Variants in SBNO1 observed in about 807,000 individuals in gnomAD.
SBNO1 encodes strawberry notch homolog 1.
In SBNO1, 23 loss-of-function variants were observed where a neutral mutation model predicts 173.6. The observed-to-expected ratio is 0.13, with a 90% confidence interval of 0.10 to 0.19. The LOEUF (loss-of-function observed/expected upper bound fraction) is 0.19. Ranked by LOEUF, SBNO1 falls within the 10% of genes least tolerant of loss-of-function variation. The pLI is 1.00. For missense variants in SBNO1, 1,238 were observed against 1,671.2 expected (o/e 0.74, Z 4.52); for synonymous variants, 632 against 571.5 (o/e 1.11, Z -1.51).
chr12:123,292,683 T>C lies in SBNO1; in HGVS notation c.*3225A>G, dbSNP rs1192158487. 1 of 152,184 alleles carries C rather than the reference T, an allele frequency of 6.6e-6. No homozygotes were observed. The highest frequency in any genetic ancestry group is 1.5e-5 in the Non-Finnish European group (1 of 68,028). 9.4% of individuals were successfully genotyped at this position (152,184 alleles called of 1,614,324 possible). A position where few individuals can be genotyped will look rare whatever the true frequency, so the allele number is the denominator to read the frequency against. On this transcript the variant is annotated 3_prime_UTR_variant, in exon 32 of 32. Coordinates refer to ENST00000602398, the MANE Select transcript of SBNO1 (RefSeq NM_001167856.3). ...TATTGTTGTAACTCAAAAAGGCTTC[T>C]GAAGTGCTGAGTTAGAATAAATATA...
chr12:123,314,404 A>G (rs1176169275), intron 23 of SBNO1, among the ~76,000 whole-genome samples: 1 of 151,686 alleles, frequency 6.6e-6, no homozygotes, highest in Non-Finnish European at 1.5e-5. Context: ...AACTCGGCTC[A>G]CTGCAACCTC....
chr12:123,328,714 A>T lies in SBNO1; in HGVS notation c.1296+20T>A. ...TTTCTTGTCGTTAAAAAATAGAAAA[A>T]TATTTGCCATAAAGGATACCACTCC... is the stretch of plus-strand genomic sequence containing the variant. On this transcript the variant is annotated intron_variant, in intron 10 of 31. Transcript: ENST00000602398. 1.4e-6 allele frequency: 2 copies of T among 1,447,256 alleles called. No individual in the cohort carries two copies. Among genetic ancestry groups the T allele is most frequent in the Non-Finnish European group, 1.8e-6 (2 of 1,088,780 alleles). The allele number at this position is 1,447,256 out of a possible 1,614,324, so 89.7% of individuals were successfully genotyped here. A position where few individuals can be genotyped will look rare whatever the true frequency, so the allele number is the denominator to read the frequency against.
At chr12:123,299,348 A>G (rs911147509) in intron 30 of SBNO1, among the ~76,000 whole-genome samples, 1 of 150,280 alleles carries the variant, frequency 6.7e-6, no homozygotes, top group Non-Finnish European at 1.5e-5. Flanking sequence ...AGCCTGGGCA[A>G]CAGAGTGAGA....
chr12:123,315,455 C>A lies in SBNO1; in HGVS notation c.3049-11G>T, dbSNP rs765712289. On this transcript the variant is annotated splice_polypyrimidine_tract_variant and intron_variant, in intron 22 of 31. Transcript: ENST00000602398. Reference sequence around the variant, plus strand: ...ATGTGTAAGTGCCCCCTGTTAAAAACAAAAATTTCAATCAAGGCACAGGTA... The same window carrying A: ...ATGTGTAAGTGCCCCCTGTTAAAAAAAAAAATTTCAATCAAGGCACAGGTA... 1.3e-5 allele frequency: 21 copies of A among 1,610,088 alleles called. No individual in the cohort carries two copies. Among genetic ancestry groups the A allele is most frequent in the African/African-American group, 4.0e-5 (3 of 74,844 alleles).
chr12:123,314,844 G>A (rs1319100022), intron 23 of SBNO1, among the ~76,000 whole-genome samples: 1 of 151,750 alleles, frequency 6.6e-6, no homozygotes, highest in Non-Finnish European at 1.5e-5. Flanking sequence ...TGACCCACCT[G>A]CCTTGGCCTC....
chr12:123,331,653 G>C (rs184993531), intron 7 of SBNO1, among the ~76,000 whole-genome samples: 22 of 151,804 alleles, frequency 1.4e-4, no homozygotes, highest in African/African-American at 4.6e-4. Flanking sequence ...TCCTGAGTAG[G>C]TGGGACTACA....
At chr12:123,341,156 T>C in intron 4 of SBNO1, 68 bp from the exon 5 acceptor site, 1 of 993,846 alleles carries the variant, frequency 1.0e-6, no homozygotes, top group Non-Finnish European at 1.5e-6. Flanking sequence ...TATTTAAAAA[T>C]CCAGAAGTTT....
In SBNO1 at chr12:123,336,507, A is replaced by G. The variant is rs991681910; in HGVS notation, c.652-16T>C. The G allele has an allele frequency of 3.9e-6, 6 of 1,550,962 alleles. No individual in the cohort carries two copies. In the African/African-American group the frequency reaches 8.2e-5, roughly 21 times the overall value. On this transcript the variant is annotated splice_polypyrimidine_tract_variant and intron_variant, in intron 5 of 31. Coordinates refer to ENST00000602398, the MANE Select transcript of SBNO1 (RefSeq NM_001167856.3). The stretch of plus-strand genomic sequence containing the variant: ...CAGGAACCTTCTGCAACACAGAAAG[A>G]GCACAATCAATCCCAAATCCAGGGA...
chr12:123,295,983 T>C lies in SBNO1; in HGVS notation c.4107A>G (p.Gln1369=), dbSNP rs371550892. Residue 1369 remains glutamine (Q), a synonymous_variant, in exon 32 of 32, where the codon CAA becomes CAG. Coordinates refer to ENST00000602398, the MANE Select transcript of SBNO1 (RefSeq NM_001167856.3). ...VNLLSTSDQS[Q]QLAVQQKQLW... is the part of the protein sequence containing the mutation. ...GCTGTTTCTGTTGGACCGCAAGCTG[T>C]TGAGACTGGTCTGAAGTTGATAGGA... 2.5e-6 allele frequency: 4 copies of C among 1,613,854 alleles called. No homozygotes were observed. In the African/African-American group the frequency reaches 5.3e-5, roughly 22 times the overall value.
At chr12:123,311,703 T>A (rs971275895) in intron 24 of SBNO1, among the ~76,000 whole-genome samples, 5 of 61,518 alleles carry the variant, frequency 8.1e-5, no homozygotes, top group African/African-American at 1.2e-4. Context: ...TATCTATCTA[T>A]CTATCTATCT....
chr12:123,304,558 T>C, intron 29 of SBNO1, 24 bp downstream of exon 29: 3 of 1,465,608 alleles, frequency 2.0e-6, no homozygotes, highest in South Asian at 1.2e-5. Flanking sequence ...TCCTATATAA[T>C]ATAATGTACA....
intron 1 of SBNO1, among the ~76,000 whole-genome samples, chr12:123,353,918 G>C (rs1408855670): frequency 6.6e-6 from 1 of 152,034 alleles, no homozygotes; most frequent in African/African-American, 2.4e-5. Flanking sequence ...CAAAACTACA[G>C]ACCACAGAGC....
intron 7 of SBNO1, 141 bp from the exon 8 acceptor site, chr12:123,331,516 T>G (rs1164190061): frequency 1.3e-5 from 11 of 845,652 alleles, no homozygotes; most frequent in Non-Finnish European, 1.9e-5. Flanking sequence ...TACATAAATT[T>G]CATAGAGTTT....
At chr12:123,360,465 GAC>G (rs925136115) in intron 1 of SBNO1, among the ~76,000 whole-genome samples, 5 of 151,804 alleles carry the variant, frequency 3.3e-5, no homozygotes, top group Admixed American at 6.6e-5. Flanking sequence ...TTTCTTTTGA[GAC>G]AGAGTCTCGC....
intron 15 of SBNO1, among the ~76,000 whole-genome samples, chr12:123,324,435 C>T (rs1870370196): frequency 6.6e-6 from 1 of 151,740 alleles, no homozygotes; most frequent in African/African-American, 2.4e-5. Context: ...AATTCTCCTG[C>T]CTCAGCCTCT....
rs1869760614 is a variant in SBNO1 at position 123,319,935 on chromosome 12, T to C, written c.2764A>G (p.Ile922Val). The C allele has an allele frequency of 3.7e-6, 6 of 1,614,024 alleles. No homozygotes were observed. The highest frequency in any genetic ancestry group is 1.7e-5 in the Admixed American group (1 of 59,994). Residue 922 changes from isoleucine to valine, a missense_variant, in exon 20 of 32, where the codon ATC becomes GTC. Ile to Val is a conservative substitution (Grantham distance 29, BLOSUM62 3). This residue lies in a region of SBNO1 where 45 missense variants were observed against 85.5 expected (regional missense o/e 0.53). Transcript: ENST00000602398. ...TCCATAAATCGTTGTTTTTCTGTGA[T>C]GTTTAGTATTTCCACAGGCACATCA... ...ELDVPVEILN[I>V]TEKQRFMDGD...
intron 1 of SBNO1, among the ~76,000 whole-genome samples, chr12:123,350,996 C>A (rs1333805664): frequency 6.6e-6 from 1 of 152,082 alleles, no homozygotes; most frequent in Non-Finnish European, 1.5e-5. Flanking sequence ...GTGGCGGGTG[C>A]CTGTAATCCC....
At chr12:123,328,076 T>A (rs1434119766) in intron 10 of SBNO1, 49 bp from the exon 11 acceptor site, 2 of 1,441,566 alleles carry the variant, frequency 1.4e-6, no homozygotes, top group East Asian at 4.6e-5. Context: ...TAAGTAAGAA[T>A]CTCCAGTCTT....
At chr12:123,357,443 C>T (rs756414966) in intron 1 of SBNO1, among the ~76,000 whole-genome samples, 5 of 151,186 alleles carry the variant, frequency 3.3e-5, no homozygotes, top group Non-Finnish European at 2.9e-5. Context: ...AGTGGGACTC[C>T]GTCTCAAAAC....
Sources: gnomAD v4.1 joint callset for allele counts (sites outside exome capture counted in the v4.1 genomes callset) on GRCh38, gnomAD v4.1.1 for gene constraint, gnomAD v4.1.1 regional missense constraint, MANE v1.5 for transcripts, NCBI Gene and HGNC (gene_info 2026-07-23, HGNC 2026-07-21) for gene names.